The following FAM171A1 variants were observed in gnomAD, a reference collection of about 807,000 sequenced individuals.
The protein encoded by FAM171A1 is protein FAM171A1.
FAM171A1 carries 23 observed loss-of-function variants against 74.9 expected under a neutral mutation model. The ratio of observed to expected loss-of-function variants is 0.31; its 90% CI spans 0.22 to 0.44. The LOEUF is 0.44. FAM171A1 is among the 20% of genes least tolerant of loss of function. FAM171A1 has a pLI of 1.00. For missense variants in FAM171A1, 1,162 were observed against 1,159.2 expected (o/e 1.00, Z -0.03); for synonymous variants, 527 against 505.7 (o/e 1.04, Z -0.57).
In FAM171A1 at chr10:15,248,794, A is replaced by C. The variant is rs749301449; in HGVS notation, c.599T>G (p.Leu200Arg). 1 of 1,611,658 alleles carries C rather than the reference A, an allele frequency of 6.2e-7. No individual in the cohort carries two copies. Among genetic ancestry groups the C allele is most frequent in the South Asian group, 1.1e-5 (1 of 90,446 alleles). Residue 200 changes from leucine (L) to arginine (R), a missense_variant, in exon 5 of 8, where the codon CTG becomes CGG. Leu to Arg is a moderately radical substitution (Grantham distance 102). Transcript: ENST00000378116. Reference protein sequence around the residue: ...NGTGNSTRHDLTPVTAVSVHL... With the variant: ...NGTGNSTRHDRTPVTAVSVHL... ...GACGCTGACGGCTGTGACTGGGGTCAGGTCATGCCTGGTGCTGTTTCCTAG... is the reference window on the plus strand; with the variant it reads ...GACGCTGACGGCTGTGACTGGGGTCCGGTCATGCCTGGTGCTGTTTCCTAG...
chr10:15,351,064 A>AAG (rs1421083852), intron 1 of FAM171A1, among the ~76,000 whole-genome samples: 1 of 151,882 alleles, frequency 6.6e-6, no homozygotes, highest in Non-Finnish European at 1.5e-5. Flanking sequence ...TGCTTTTCTC[A>AAG]CACCTAGACT....
intron 1 of FAM171A1, among the ~76,000 whole-genome samples, chr10:15,361,877 T>G (rs1193037176): frequency 6.6e-6 from 1 of 152,232 alleles, no homozygotes; most frequent in Non-Finnish European, 1.5e-5. Context: ...AATGTTCATC[T>G]GACTTGGAAC....
At chr10:15,278,368 G>A (rs1834921464) in intron 2 of FAM171A1, among the ~76,000 whole-genome samples, 2 of 152,160 alleles carry the variant, frequency 1.3e-5, no homozygotes, top group South Asian at 4.1e-4. Flanking sequence ...AACACAGAGT[G>A]ACCCCAGGAT....
At position 15,214,022 on chromosome 10, in the gene FAM171A1, C is replaced by T. The variant is rs773613941; in HGVS notation, c.1566G>A (p.Ala522=). ...KLTIQEHLYP[A]PSSPEKEQLL... ...GCTGTTCTTTCTCAGGTGATGAAGG[C>T]GCGGGGTACAGATGTTCCTGAATGG... Residue 522 remains alanine, a synonymous_variant, in exon 8 of 8, where the codon GCG becomes GCA. Coordinates refer to ENST00000378116, the MANE Select transcript of FAM171A1 (RefSeq NM_001010924.2). 60 of 1,614,024 alleles carry T rather than the reference C, an allele frequency of 3.7e-5. No homozygotes were observed. Among genetic ancestry groups the T allele is most frequent in the Middle Eastern group, 1.6e-4 (1 of 6,084 alleles).
intron 3 of FAM171A1, among the ~76,000 whole-genome samples, chr10:15,269,528 T>C (rs1370596267): frequency 2.0e-5 from 3 of 152,148 alleles, no homozygotes; most frequent in South Asian, 2.1e-4. Flanking sequence ...CAAACCTTCT[T>C]TGTGAGCTTT....
intron 1 of FAM171A1, among the ~76,000 whole-genome samples, chr10:15,289,895 G>T (rs953660823): frequency 6.6e-6 from 1 of 152,246 alleles, no homozygotes; most frequent in Non-Finnish European, 1.5e-5. Context: ...TTGCCACGGA[G>T]ACCATAAGGG....
chr10:15,258,560 A>AGAGTTAGAGT (rs1834612978), intron 3 of FAM171A1, among the ~76,000 whole-genome samples: 3 of 152,166 alleles, frequency 2.0e-5, no homozygotes, highest in African/African-American at 7.2e-5. Context: ...TAACTCTGTT[A>AGAGTTAGAGT]TCCCCATAAG....
chr10:15,269,964 C>G (rs761609899), intron 3 of FAM171A1, among the ~76,000 whole-genome samples: 10 of 152,222 alleles, frequency 6.6e-5, no homozygotes, highest in Non-Finnish European at 1.3e-4. Context: ...CAGTCTACAG[C>G]TCCCAAGGTG....
At chr10:15,366,189 T>C (rs7901403) in intron 1 of FAM171A1, among the ~76,000 whole-genome samples, 3,814 of 152,238 alleles carry the variant, frequency 0.025, 158 homozygotes, top group African/African-American at 0.087. Context: ...GTGCGATCTC[T>C]ACTCACTACA....
At chr10:15,303,861 C>G (rs1835261984) in intron 1 of FAM171A1, among the ~76,000 whole-genome samples, 1 of 152,178 alleles carries the variant, frequency 6.6e-6, no homozygotes, top group African/African-American at 2.4e-5. Context: ...GTTAGGAATA[C>G]AAGCGTGGGC....
At chr10:15,231,617 C>T (rs1449013856) in intron 5 of FAM171A1, among the ~76,000 whole-genome samples, 1 of 151,594 alleles carries the variant, frequency 6.6e-6, no homozygotes, top group Non-Finnish European at 1.5e-5. Flanking sequence ...TGTGGCAACT[C>T]TGTCAGGCAG....
At chr10:15,283,751 A>G in intron 2 of FAM171A1, 127 bp downstream of exon 2, 2 of 878,030 alleles carry the variant, frequency 2.3e-6, no homozygotes, top group Non-Finnish European at 3.5e-6. Flanking sequence ...TGCCTGGCTA[A>G]TTTTAAATTT....
At position 15,213,829 on chromosome 10, in the gene FAM171A1, A is replaced by G. The variant is rs1833928586; in HGVS notation, c.1759T>C (p.Tyr587His). The change falls in exon 8 of 8, where the codon TAT becomes CAT. Residue 587 changes from tyrosine to histidine, a missense_variant. Tyr to His is a moderately conservative substitution (Grantham distance 83). Coordinates refer to ENST00000378116, the MANE Select transcript of FAM171A1 (RefSeq NM_001010924.2). This position sits in a 1 kb window ranked among gnomAD's most constrained non-coding sequence, Gnocchi z 6.8. ...GAGTGGTCCCCGGGGAGTTTCATATAATGAGCCGGGATGACCAAGGCAGGC... is the reference window on the plus strand; with the variant it reads ...GAGTGGTCCCCGGGGAGTTTCATATGATGAGCCGGGATGACCAAGGCAGGC... ...VLPALVIPAH[Y>H]MKLPGDHSYV... The G allele has an allele frequency of 6.2e-7, 1 of 1,614,080 alleles. No homozygotes were observed. Among genetic ancestry groups the G allele is most frequent in the Non-Finnish European group, 8.5e-7 (1 of 1,180,006 alleles).
At chr10:15,313,808 C>G (rs1360198695) in intron 1 of FAM171A1, among the ~76,000 whole-genome samples, 2 of 152,226 alleles carry the variant, frequency 1.3e-5, no homozygotes, top group Non-Finnish European at 2.9e-5. Context: ...TTAATGGAAA[C>G]TGCTTTAAGG....
chr10:15,317,291 G>T (rs568587762), intron 1 of FAM171A1, among the ~76,000 whole-genome samples: 189 of 152,288 alleles, frequency 1.2e-3, no homozygotes, highest in African/African-American at 4.5e-3. Flanking sequence ...TAAGGGCTGG[G>T]TTTATCCTGC....
intron 6 of FAM171A1, among the ~76,000 whole-genome samples, chr10:15,220,555 G>T (rs1019152095): frequency 6.6e-6 from 1 of 152,170 alleles, no homozygotes; most frequent in African/African-American, 2.4e-5. Flanking sequence ...TTTGCCCCCA[G>T]TGGTGACTTC....
intron 1 of FAM171A1, among the ~76,000 whole-genome samples, chr10:15,294,638 T>C (rs1218020081): frequency 6.6e-6 from 1 of 152,198 alleles, no homozygotes; most frequent in Non-Finnish European, 1.5e-5. Context: ...GAGCATCTGC[T>C]TTGTGGGTAG....
At chr10:15,227,280 T>C (rs1030502378) in intron 5 of FAM171A1, among the ~76,000 whole-genome samples, 6 of 151,438 alleles carry the variant, frequency 4.0e-5, no homozygotes, top group Non-Finnish European at 8.9e-5. Flanking sequence ...GGATTATAGG[T>C]GTGAGCCACT....
chr10:15,335,223 G>A (rs1290347333), intron 1 of FAM171A1, among the ~76,000 whole-genome samples: 2 of 152,120 alleles, frequency 1.3e-5, no homozygotes, highest in South Asian at 2.1e-4. Flanking sequence ...CAGCCTGGGC[G>A]ACAGAGTGAG....
Sources: gnomAD v4.1 joint callset for allele counts (sites outside exome capture counted in the v4.1 genomes callset) on GRCh38, gnomAD v4.1.1 for gene constraint, Gnocchi (gnomAD v3.1) non-coding constraint, MANE v1.5 for transcripts, NCBI Gene and HGNC (gene_info 2026-07-23, HGNC 2026-07-21) for gene names.